Variants in INO80C observed in about 807,000 individuals in gnomAD.
INO80C encodes the protein INO80 complex subunit C, also known as IES6 homolog.
INO80C carries 17 observed loss-of-function variants against 17.7 expected under a neutral mutation model. That is an observed-to-expected ratio of 0.96 (90% CI 0.66 to 1.44). The LOEUF is 1.44. Among genes scored for constraint, INO80C ranks in the 40% most tolerant of loss-of-function variants. The pLI is 0.00. For synonymous variants in INO80C, 96 were observed against 95.8 expected (o/e 1.00, Z -0.01); for missense variants, 244 against 245.0 (o/e 1.00, Z 0.03).
In INO80C at chr18:35,476,320, G is replaced by A. The variant is rs149828550; in HGVS notation, c.447+1962C>T. Among the ~76,000 whole-genome samples, 77 of 152,272 alleles carry A rather than the reference G, an allele frequency of 5.1e-4. 1 individual carries two copies. Among genetic ancestry groups the A allele is most frequent in the African/African-American group, 1.8e-3 (76 of 41,556 alleles). Reference sequence around the variant, plus strand: ...GAGCCAAGAGGAGTCTAACGAGACAGGATGACTAAATTTGATATAGTTTTA... The same window carrying A: ...GAGCCAAGAGGAGTCTAACGAGACAAGATGACTAAATTTGATATAGTTTTA... On this transcript the variant is annotated intron_variant, in intron 4 of 4. Transcript: ENST00000334598.
chr18:35,497,546 T>C (rs2045996403), intron 1 of INO80C, 173 bp downstream of exon 1: 6 of 1,409,934 alleles, frequency 4.3e-6, no homozygotes, highest in Admixed American at 3.1e-5. Flanking sequence ...TGTAAGCCCA[T>C]GTGTCCAAAC....
At chr18:35,472,513 G>T (rs1426487842) in intron 4 of INO80C, among the ~76,000 whole-genome samples, 2 of 152,176 alleles carry the variant, frequency 1.3e-5, no homozygotes, top group African/African-American at 2.4e-5. Context: ...TTTGTCAGAT[G>T]AGTAGGTTGA....
intron 1 of INO80C, among the ~76,000 whole-genome samples, chr18:35,489,653 G>GGAGA (rs1418962597): frequency 6.6e-6 from 1 of 152,182 alleles, no homozygotes; most frequent in East Asian, 1.9e-4. Context: ...TCTGATTACA[G>GGAGA]GAGACTAAAA....
At chr18:35,472,288 C>T (rs532788592) in intron 4 of INO80C, among the ~76,000 whole-genome samples, 4 of 152,276 alleles carry the variant, frequency 2.6e-5, no homozygotes, top group South Asian at 2.1e-4. Context: ...TTTGAATGAT[C>T]GCCATTCTAA....
chr18:35,486,294 T>C (rs934608380), intron 1 of INO80C, among the ~76,000 whole-genome samples: 12 of 152,212 alleles, frequency 7.9e-5, no homozygotes, highest in Non-Finnish European at 1.2e-4. Context: ...TCCATTTATA[T>C]GAGATACGTA....
chr18:35,490,052 G>A (rs1396487585), intron 1 of INO80C, among the ~76,000 whole-genome samples: 3 of 152,030 alleles, frequency 2.0e-5, no homozygotes, highest in East Asian at 1.9e-4. Context: ...ACCCAGCTGC[G>A]AATGAGCCAG....
intron 1 of INO80C, chr18:35,497,265 A>C: frequency 1.1e-6 from 1 of 915,928 alleles, no homozygotes; most frequent in Non-Finnish European, 1.3e-6. Context: ...GGGTCAAAAA[A>C]GCACTTTTCT....
At chr18:35,495,289 C>T (rs928229539) in intron 1 of INO80C, among the ~76,000 whole-genome samples, 15 of 152,318 alleles carry the variant, frequency 9.8e-5, no homozygotes, top group African/African-American at 2.6e-4. Flanking sequence ...GTGGCATGCA[C>T]CTGTCGTCCC....
chr18:35,484,886 A>C (rs902062048), intron 1 of INO80C, among the ~76,000 whole-genome samples: 1 of 152,242 alleles, frequency 6.6e-6, no homozygotes, highest in South Asian at 2.1e-4. Flanking sequence ...TGTCAGAAAG[A>C]AAGCACTTGT....
At chr18:35,497,401 T>G in intron 1 of INO80C, 1 of 1,107,010 alleles carries the variant, frequency 9.0e-7, no homozygotes, top group Non-Finnish European at 1.1e-6. Flanking sequence ...ACACGCAAAT[T>G]TCTGAATGAC....
At chr18:35,474,160 C>CAT (rs34417349) in intron 4 of INO80C, among the ~76,000 whole-genome samples, 3,212 of 101,788 alleles carry the variant, frequency 0.032, 148 homozygotes, top group African/African-American at 0.11. Context: ...TTAAAATATA[C>CAT]ATATATATAT....
intron 1 of INO80C, chr18:35,487,913 G>C (rs1358450838): frequency 6.6e-6 from 1 of 152,156 alleles, no homozygotes; most frequent in Non-Finnish European, 1.5e-5. Context: ...AGGAGAAATA[G>C]GCCAAAACAA....
At chr18:35,493,084 T>G (rs2045947830) in intron 1 of INO80C, among the ~76,000 whole-genome samples, 1 of 152,182 alleles carries the variant, frequency 6.6e-6, no homozygotes, top group Non-Finnish European at 1.5e-5. Flanking sequence ...ACTAACACTG[T>G]GTGAGCTTGG....
intron 1 of INO80C, among the ~76,000 whole-genome samples, chr18:35,485,190 C>A (rs1369117314): frequency 6.6e-6 from 1 of 152,034 alleles, no homozygotes; most frequent in African/African-American, 2.4e-5. Context: ...ATAATAAATA[C>A]TGGGGGCATG....
At chr18:35,494,570 C>T (rs2045961545) in intron 1 of INO80C, among the ~76,000 whole-genome samples, 3 of 152,208 alleles carry the variant, frequency 2.0e-5, no homozygotes, top group Admixed American at 2.0e-4. Context: ...CAGCAGCTGA[C>T]AGCCAGCAAG....
chr18:35,478,246 T>C, intron 4 of INO80C, 36 bp downstream of exon 4: 1 of 1,433,568 alleles, frequency 7.0e-7, no homozygotes, highest in Non-Finnish European at 9.7e-7. Flanking sequence ...TGAAATCTTT[T>C]CCATTTAATG....
chr18:35,471,108 G>T (rs1025252473), intron 4 of INO80C, among the ~76,000 whole-genome samples: 1 of 152,188 alleles, frequency 6.6e-6, no homozygotes, highest in Non-Finnish European at 1.5e-5. Flanking sequence ...CTAGGAACAG[G>T]TGTGTGTCAA....
chr18:35,470,998 A>G (rs1281972422), intron 4 of INO80C, among the ~76,000 whole-genome samples: 1 of 152,192 alleles, frequency 6.6e-6, no homozygotes, highest in African/African-American at 2.4e-5. Flanking sequence ...TCTCACCCAG[A>G]ATACACTTTT....
At chr18:35,470,038 A>C (rs2045650765) in intron 4 of INO80C, among the ~76,000 whole-genome samples, 2 of 152,224 alleles carry the variant, frequency 1.3e-5, no homozygotes, top group Non-Finnish European at 2.9e-5. Context: ...AGGGTGAGTC[A>C]TTTTGAGCTC....
Sources: gnomAD v4.1 joint callset for allele counts (sites outside exome capture counted in the v4.1 genomes callset) on GRCh38, gnomAD v4.1.1 for gene constraint, MANE v1.5 for transcripts, NCBI Gene and HGNC (gene_info 2026-07-23, HGNC 2026-07-21) for gene names.